BBS9: variants seen among roughly 807,000 people sequenced by gnomAD.
BBS9 encodes protein PTHB1.
BBS9 carries 89 observed loss-of-function variants against 117.7 expected under a neutral mutation model. The observed-to-expected ratio is 0.76, with a 90% CI of 0.64 to 0.90. The LOEUF is 0.90. Among genes scored for constraint, BBS9 ranks in the 40% least tolerant of loss-of-function variants. The pLI, the probability that BBS9 is intolerant of heterozygous loss-of-function variation, is 0.00. For synonymous variants in BBS9, 379 were observed against 370.9 expected (o/e 1.02, Z -0.25); for missense variants, 982 against 1,042.2 (o/e 0.94, Z 0.80).
At chr7:33,157,169 C>T (rs963760476) in intron 4 of BBS9, among the ~76,000 whole-genome samples, 3 of 152,058 alleles carry the variant, frequency 2.0e-5, no homozygotes, top group Non-Finnish European at 4.4e-5. Context: ...TGGTCCTGCT[C>T]GAACTATGGG....
chr7:33,405,823 G>GT (rs1158329570), intron 19 of BBS9, among the ~76,000 whole-genome samples: 1 of 151,918 alleles, frequency 6.6e-6, no homozygotes, highest in African/African-American at 2.4e-5. Context: ...TTTTTGAAGG[G>GT]TTTTTTGTGT....
intron 7 of BBS9, among the ~76,000 whole-genome samples, chr7:33,265,838 G>T (rs139336652): frequency 6.6e-6 from 1 of 151,804 alleles, no homozygotes; most frequent in Non-Finnish European, 1.5e-5. Flanking sequence ...GCAAGACTCC[G>T]TCTCAAAATA....
In BBS9 at chr7:33,160,749, C is replaced by T. The variant is rs78491917; in HGVS notation, c.328+5047C>T. 2.8e-3 allele frequency among the ~76,000 whole-genome samples: 428 copies of T among 152,204 alleles called. 1 individual carries two copies. The highest frequency in any genetic ancestry group is 0.01 in the African/African-American group (418 of 41,528). ...ATTTCAAGGTCCCAAAGTGTTGCTGCAATGTAGATGGCAAGGGCAGTCTTT... is the reference window on the plus strand; with the variant it reads ...ATTTCAAGGTCCCAAAGTGTTGCTGTAATGTAGATGGCAAGGGCAGTCTTT... On this transcript the variant is annotated intron_variant, in intron 4 of 22. Transcript: ENST00000242067.
intron 21 of BBS9, among the ~76,000 whole-genome samples, chr7:33,544,891 C>A (rs1188171381): frequency 6.6e-6 from 1 of 151,850 alleles, no homozygotes; most frequent in African/African-American, 2.4e-5. Context: ...GGGATGGGGG[C>A]AAGATTCCCA....
chr7:33,515,182 T>G (rs1847560676), intron 20 of BBS9, among the ~76,000 whole-genome samples: 1 of 152,208 alleles, frequency 6.6e-6, no homozygotes, highest in South Asian at 2.1e-4. Context: ...TACTTTTATT[T>G]TTGTTTTTGA....
At chr7:33,449,038 A>T (rs1277157941) in intron 19 of BBS9, among the ~76,000 whole-genome samples, 1 of 152,240 alleles carries the variant, frequency 6.6e-6, no homozygotes. Context: ...GCTGAGAAGA[A>T]TGCCAGTAGT....
intron 21 of BBS9, among the ~76,000 whole-genome samples, chr7:33,623,136 T>C (rs1865487043): frequency 6.6e-6 from 1 of 152,176 alleles, no homozygotes; most frequent in South Asian, 2.1e-4. Context: ...GAAGAAAATA[T>C]TTCCAGTGCA....
chr7:33,481,930 C>T (rs114392853), intron 19 of BBS9, among the ~76,000 whole-genome samples: 348 of 152,268 alleles, frequency 2.3e-3, no homozygotes, highest in African/African-American at 8.0e-3. Context: ...GGAGGGATGT[C>T]GTCCTGTAGT....
chr7:33,208,279 C>G (rs903753370), intron 5 of BBS9, among the ~76,000 whole-genome samples: 1 of 152,152 alleles, frequency 6.6e-6, no homozygotes, highest in East Asian at 1.9e-4. Flanking sequence ...TATAATACAT[C>G]TAAAGTAGCT....
intron 21 of BBS9, among the ~76,000 whole-genome samples, chr7:33,600,486 A>G (rs991449831): frequency 5.3e-5 from 8 of 152,056 alleles, no homozygotes; most frequent in African/African-American, 1.7e-4. Context: ...AGCAAATACC[A>G]TATCTCTTGG....
chr7:33,518,995 C>T (rs1319975461), intron 20 of BBS9, among the ~76,000 whole-genome samples: 6 of 150,746 alleles, frequency 4.0e-5, no homozygotes, highest in Admixed American at 3.3e-4. Context: ...TATCCATTGG[C>T]GGTCTTGATC....
intron 19 of BBS9, among the ~76,000 whole-genome samples, chr7:33,426,863 T>A (rs1034573022): frequency 3.3e-5 from 5 of 152,140 alleles, no homozygotes; most frequent in African/African-American, 1.2e-4. Context: ...GTCAGTGCCT[T>A]TGTTCTGTAC....
At chr7:33,629,994 T>G (rs1562544748) in intron 21 of BBS9, among the ~76,000 whole-genome samples, 1 of 152,246 alleles carries the variant, frequency 6.6e-6, no homozygotes, top group Non-Finnish European at 1.5e-5. Context: ...TTCGAGACCT[T>G]TTATAAGGTT....
chr7:33,513,456 A>G (rs1457760674), intron 20 of BBS9, among the ~76,000 whole-genome samples: 1 of 152,232 alleles, frequency 6.6e-6, no homozygotes, highest in South Asian at 2.1e-4. Flanking sequence ...TTAAACATAT[A>G]GTTGTATACA....
intron 19 of BBS9, among the ~76,000 whole-genome samples, chr7:33,438,616 A>C (rs1346047802): frequency 6.6e-6 from 1 of 152,206 alleles, no homozygotes; most frequent in Non-Finnish European, 1.5e-5. Context: ...ATACATATCA[A>C]ACTGAAGAAA....
In BBS9 at chr7:33,459,481, T is replaced by G. The variant is rs74698006; in HGVS notation, c.2116-45982T>G. ...ATCCAGCCCAAAATGTCCACAGGGC[T>G]GAGGTTGAGAAGCTCTGCTCTATAG... On this transcript the variant is annotated intron_variant, in intron 19 of 22. Transcript: ENST00000242067. Among the ~76,000 whole-genome samples the G allele has an allele frequency of 0.018, 2,739 of 152,162 alleles. 203 individuals carry two copies. In the East Asian group the frequency reaches 0.26, roughly 15 times the overall value.
At chr7:33,162,737 G>A (rs143184571) in intron 4 of BBS9, among the ~76,000 whole-genome samples, 2,600 of 152,140 alleles carry the variant, frequency 0.017, 80 homozygotes, top group African/African-American at 0.059. Context: ...GGGCTGAGAC[G>A]ATGGGGTTTT....
intron 9 of BBS9, among the ~76,000 whole-genome samples, chr7:33,288,148 A>G (rs1803258581): frequency 6.6e-6 from 1 of 152,124 alleles, no homozygotes. Context: ...GCTACCAGAA[A>G]TTCGTGCCTT....
chr7:33,544,111 A>AT (rs973265624), intron 21 of BBS9, among the ~76,000 whole-genome samples: 4 of 151,832 alleles, frequency 2.6e-5, no homozygotes, highest in African/African-American at 4.8e-5. Flanking sequence ...TTCTGGTATC[A>AT]TTTTTTGGAT....
Sources: gnomAD v4.1 joint callset for allele counts (sites outside exome capture counted in the v4.1 genomes callset) on GRCh38, gnomAD v4.1.1 for gene constraint, MANE v1.5 for transcripts, NCBI Gene and HGNC (gene_info 2026-07-23, HGNC 2026-07-21) for gene names.